The following AKR1D1 variants were observed in gnomAD, a reference collection of about 807,000 sequenced individuals.
The protein encoded by AKR1D1 is delta(4)-3-ketosteroid 5-beta-reductase.
A neutral mutation model predicts 42.6 loss-of-function variants in AKR1D1; 32 were observed. The observed-to-expected ratio is 0.75, with a 90% CI of 0.57 to 1.01. The LOEUF (loss-of-function observed/expected upper bound fraction) is 1.01. Ranked by LOEUF, AKR1D1 falls within the 50% of genes least tolerant of loss-of-function variation. AKR1D1 has a pLI of 0.00. For missense variants in AKR1D1, 364 were observed against 402.2 expected, an observed-to-expected ratio of 0.91 and a Z score of 0.81; for synonymous variants, 123 against 135.5, an observed-to-expected ratio of 0.91 and a Z score of 0.64.
At chr7:138,091,340 G>A (rs1387078484) in intron 2 of AKR1D1, 1 of 245,436 alleles carries the variant, frequency 4.1e-6, no homozygotes, top group Admixed American at 5.1e-5. Flanking sequence ...CACTCTCAGT[G>A]GAAGAGGACG....
intron 1 of AKR1D1, among the ~76,000 whole-genome samples, chr7:138,084,766 A>C (rs1803133504): frequency 6.6e-6 from 1 of 152,124 alleles, no homozygotes; most frequent in East Asian, 1.9e-4. Context: ...TTTAAGAATT[A>C]CAAAGTGTGG....
At chr7:138,107,904 G>C (rs191539640) in intron 7 of AKR1D1, among the ~76,000 whole-genome samples, 22 of 151,800 alleles carry the variant, frequency 1.4e-4, no homozygotes, top group African/African-American at 5.3e-4. Flanking sequence ...GGCTAGTCTG[G>C]AACTCCTGTC....
In AKR1D1 at chr7:138,116,772, G is replaced by T; in HGVS notation, c.*110G>T. On this transcript the variant is annotated 3_prime_UTR_variant, in exon 9 of 9. Transcript: ENST00000242375. ...AGAGAGGGTTTTACCATCCTGAGAA[G>T]AAATAATGATGGAAACATGTTTAAT... 1.0e-6 allele frequency: 1 copy of T among 975,080 alleles called. No homozygotes were observed. The allele number at this position is 975,080 out of a possible 1,614,324, so 60.4% of individuals were successfully genotyped here.
At chr7:138,096,861 C>T (rs1358700469) in intron 3 of AKR1D1, among the ~76,000 whole-genome samples, 1 of 152,144 alleles carries the variant, frequency 6.6e-6, no homozygotes, top group Admixed American at 6.5e-5. Context: ...TGACTTAATC[C>T]AATCATGTGG....
In AKR1D1 at chr7:138,118,246, T is replaced by C. The variant is rs1184973114; in HGVS notation, c.*1584T>C. 1.3e-5 allele frequency among the ~76,000 whole-genome samples: 2 copies of C among 152,192 alleles called. No homozygotes were observed. The highest frequency in any genetic ancestry group is 4.8e-5 in the African/African-American group (2 of 41,456). On this transcript the variant is annotated 3_prime_UTR_variant, in exon 9 of 9. Coordinates refer to ENST00000242375, the MANE Select transcript of AKR1D1 (RefSeq NM_005989.4). ...ATTCCAATATTATTACTTATAACAC[T>C]GACCTCTGGAAAATATTTTGTTCAC...
Position 138,081,506 on chromosome 7 carries a change from C to CTTTTTTT in AKR1D1, c.93+4925_93+4931dup, listed in dbSNP as rs61466734. Among the ~76,000 whole-genome samples, 7 of 47,620 alleles carry CTTTTTTT rather than the reference C, an allele frequency of 1.5e-4. 2 individuals are homozygous for CTTTTTTT. The highest frequency in any genetic ancestry group is 6.0e-4 in the African/African-American group (6 of 9,952). The allele number at this position is 47,620 out of a possible 152,430, so 31.2% of individuals were successfully genotyped here. On this transcript the variant is annotated intron_variant, in intron 1 of 8. Transcript: ENST00000242375. ...TCCAAAATATAAAAGGAACTCCTAC[C>CTTTTTTT]TTTTTTTTTTTTTTTTTTTTTTTTT...
At position 138,111,295 on chromosome 7, in the gene AKR1D1, T is replaced by G. The variant is rs139427851; in HGVS notation, c.856-2395T>G. The stretch of plus-strand genomic sequence containing the variant: ...TTCCTCTCCAAGTATTATCCACTTC[T>G]CTCTTCTGTTTCAAACATCTGGAAA... On this transcript the variant is annotated intron_variant, in intron 7 of 8. Coordinates refer to ENST00000242375, the MANE Select transcript of AKR1D1 (RefSeq NM_005989.4). 3.2e-4 allele frequency among the ~76,000 whole-genome samples: 48 copies of G among 152,320 alleles called. 1 individual carries two copies. Among genetic ancestry groups the G allele is most frequent in the Non-Finnish European group, 4.3e-4 (29 of 68,024 alleles).
intron 3 of AKR1D1, among the ~76,000 whole-genome samples, chr7:138,095,500 G>C (rs181595470): frequency 6.6e-6 from 1 of 151,776 alleles, no homozygotes; most frequent in African/African-American, 2.4e-5. Flanking sequence ...AATGCTAGAG[G>C]AAAAAATTAA....
At chr7:138,078,534 CCT>C (rs1802987948) in intron 1 of AKR1D1, among the ~76,000 whole-genome samples, 1 of 152,162 alleles carries the variant, frequency 6.6e-6, no homozygotes, top group Non-Finnish European at 1.5e-5. Context: ...ATCCTTGGCC[CCT>C]TTCTCTTCTT....
intron 5 of AKR1D1, 73 bp downstream of exon 5, chr7:138,105,502 T>A: frequency 1.3e-6 from 2 of 1,599,532 alleles, no homozygotes; most frequent in Non-Finnish European, 1.7e-6. Flanking sequence ...AAGCCTCAGC[T>A]GGGAGTCAGG....
intron 1 of AKR1D1, among the ~76,000 whole-genome samples, chr7:138,084,722 T>C (rs906710891): frequency 6.6e-6 from 1 of 152,198 alleles, no homozygotes; most frequent in Admixed American, 6.5e-5. Flanking sequence ...CTAAAAAATG[T>C]GTCACAATTT....
At chr7:138,079,381 A>G (rs1487250861) in intron 1 of AKR1D1, among the ~76,000 whole-genome samples, 1 of 152,154 alleles carries the variant, frequency 6.6e-6, no homozygotes, top group Non-Finnish European at 1.5e-5. Flanking sequence ...CTACTTCCCC[A>G]TTCTGATACT....
intron 4 of AKR1D1, among the ~76,000 whole-genome samples, chr7:138,099,335 A>T (rs891579017): frequency 1.3e-5 from 2 of 152,218 alleles, no homozygotes; most frequent in Non-Finnish European, 2.9e-5. Flanking sequence ...CATTTGTTTC[A>T]CAAGAAGACA....
chr7:138,099,103 C>A (rs1794240980), intron 4 of AKR1D1, among the ~76,000 whole-genome samples: 2 of 152,144 alleles, frequency 1.3e-5, no homozygotes, highest in South Asian at 4.1e-4. Flanking sequence ...GAGGCAACAG[C>A]TGAAGGTCTG....
intron 7 of AKR1D1, among the ~76,000 whole-genome samples, chr7:138,112,139 A>C (rs2882947): frequency 0.036 from 5,520 of 152,274 alleles, 138 homozygotes; most frequent in East Asian, 0.068. Flanking sequence ...CAAGGTTTGC[A>C]ACCTCACTTT....
At position 138,076,542 on chromosome 7, in the gene AKR1D1, C is replaced by G; in HGVS notation, c.24C>G (p.His8Gln). The part of the protein sequence containing the change: MDLSAAS[H>Q]RIPLSDGNSI... ...CAATGGATCTCAGTGCTGCAAGTCA[C>G]CGCATACCTCTAAGTGATGGAAACA... The change falls in exon 1 of 9, where the codon CAC becomes CAG. Residue 8 changes from histidine (H) to glutamine (Q), a missense_variant. His to Gln is a conservative substitution (Grantham distance 24). Transcript: ENST00000242375. The G allele has an allele frequency of 6.2e-7, 1 of 1,613,536 alleles. No individual in the cohort carries two copies. The highest frequency in any genetic ancestry group is 8.5e-7 in the Non-Finnish European group (1 of 1,179,696).
chr7:138,080,872 G>A (rs951132242), intron 1 of AKR1D1, among the ~76,000 whole-genome samples: 21 of 152,136 alleles, frequency 1.4e-4, no homozygotes, highest in African/African-American at 4.6e-4. Flanking sequence ...CTCCTGTCTT[G>A]GTCTCCTGAA....
intron 1 of AKR1D1, among the ~76,000 whole-genome samples, chr7:138,085,660 G>C (rs1182092509): frequency 6.6e-6 from 1 of 151,984 alleles, no homozygotes; most frequent in East Asian, 1.9e-4. Flanking sequence ...TGGCCAGGCT[G>C]GTCTTGAACT....
chr7:138,097,719 T>C, intron 3 of AKR1D1, 147 bp from the exon 4 acceptor site: 2 of 719,554 alleles, frequency 2.8e-6, no homozygotes, highest in Non-Finnish European at 4.5e-6. Flanking sequence ...GCTGGGCCGC[T>C]ATGACAAAAT....
Sources: allele counts gnomAD v4.1 joint callset (sites outside exome capture counted in the v4.1 genomes callset), GRCh38; gene constraint gnomAD v4.1.1; transcripts MANE v1.5; gene names NCBI Gene and HGNC (gene_info 2026-07-23, HGNC 2026-07-21).